The following PRDX3 variants were observed in gnomAD, a reference collection of about 807,000 sequenced individuals.
PRDX3 encodes the protein peroxiredoxin 3.
In PRDX3, 20 loss-of-function variants were observed where a neutral mutation model predicts 30.4. The ratio of observed to expected loss-of-function variants is 0.66; its 90% CI spans 0.46 to 0.96. The LOEUF is 0.96. PRDX3 is among the 40% of genes least tolerant of loss of function. The pLI is 0.00. For synonymous variants in PRDX3, 124 were observed against 117.8 expected (o/e 1.05, Z -0.34); for missense variants, 322 against 318.3 (o/e 1.01, Z -0.09).
Position 119,174,519 on chromosome 10 carries a change from C to T in PRDX3, c.243G>A (p.Glu81=), listed in dbSNP as rs1419373754. ...YFKGTAVVNG[E]FKDLSLDDFK... ...AGTCATCAAGGCTTAGGTCTTTGAA[C>T]TCTCCATTGACAACGGCTGTACCCT... The change falls in exon 3 of 7, where the codon GAG becomes GAA. Residue 81 remains glutamate, a synonymous_variant. Coordinates refer to ENST00000298510, the MANE Select transcript of PRDX3 (RefSeq NM_006793.5). 2 of 1,613,032 alleles carry T rather than the reference C, an allele frequency of 1.2e-6. No homozygotes were observed. Among genetic ancestry groups the T allele is most frequent in the African/African-American group, 1.3e-5 (1 of 74,846 alleles).
rs1326577002 is a variant in PRDX3 at position 119,177,031 on chromosome 10, T to C, written c.159A>G (p.Leu53=). 6.2e-7 allele frequency: 1 copy of C among 1,614,002 alleles called. No individual in the cohort carries two copies. Among genetic ancestry groups the C allele is most frequent in the Non-Finnish European group, 8.5e-7 (1 of 1,179,968 alleles). Residue 53 remains leucine (L), a synonymous_variant, in exon 2 of 7, where the codon TTA becomes TTG. Transcript: ENST00000298510. ...TGACATAACACTTACTGGTGCTGAA[T>C]AATTTTGCTTGACTGGAACCAGAAC... is the stretch of plus-strand genomic sequence containing the variant. ...LLCSGSSQAK[L]FSTSSSCHAP...
intron 1 of PRDX3, 44 bp downstream of exon 1, chr10:119,178,711 G>A (rs2133669610): frequency 6.5e-7 from 1 of 1,549,662 alleles, no homozygotes; most frequent in South Asian, 1.2e-5. Context: ...CGTTCCCGGA[G>A]CCACCAGTGT....
intron 1 of PRDX3, among the ~76,000 whole-genome samples, chr10:119,177,596 T>G (rs1848068577): frequency 6.7e-6 from 1 of 148,868 alleles, no homozygotes; most frequent in Non-Finnish European, 1.5e-5. Flanking sequence ...GAGGCAGAGG[T>G]TGCAGAGCCG....
intron 6 of PRDX3, 95 bp from the exon 7 acceptor site, chr10:119,168,628 C>A: frequency 6.5e-7 from 1 of 1,540,084 alleles, no homozygotes; most frequent in East Asian, 2.3e-5. Flanking sequence ...ACCTAAAGTT[C>A]TTTAAACTTT....
chr10:119,169,655 A>G (rs1847858536), intron 5 of PRDX3: 1 of 186,336 alleles, frequency 5.4e-6, no homozygotes, highest in South Asian at 1.6e-4. Flanking sequence ...AAAGACTATT[A>G]GTGACTTGGC....
chr10:119,173,659 A>G, intron 4 of PRDX3, 78 bp downstream of exon 4: 1 of 1,476,760 alleles, frequency 6.8e-7, no homozygotes. Flanking sequence ...TGATCTTGAT[A>G]GTCCAGCAGC....
At chr10:119,169,453 G>A (rs980251174) in intron 5 of PRDX3, 111 bp from the exon 6 acceptor site, 24 of 909,934 alleles carry the variant, frequency 2.6e-5, no homozygotes, top group African/African-American at 6.7e-5. Flanking sequence ...TTTATTAAGC[G>A]TAATCATATG....
rs1193439293 is a variant in PRDX3 at position 119,174,612 on chromosome 10, CAT to C, written c.170-22_170-21del. ...AGGAACCTGAAAAAAAACCCACACT[CAT>C]ATGGAGTTCATCATTTGCTATGTCA... On this transcript the variant is annotated intron_variant, in intron 2 of 6. Coordinates refer to ENST00000298510, the MANE Select transcript of PRDX3 (RefSeq NM_006793.5). The C allele has an allele frequency of 1.9e-6, 3 of 1,557,860 alleles. No individual in the cohort carries two copies. In the Admixed American group the frequency reaches 6.6e-5, roughly 34 times the overall value.
intron 5 of PRDX3, among the ~76,000 whole-genome samples, chr10:119,171,989 G>A (rs1057467295): frequency 1.3e-5 from 2 of 152,264 alleles, no homozygotes; most frequent in East Asian, 1.9e-4. Flanking sequence ...GCCTCAAGAC[G>A]CAGCCAGCCT....
Position 119,169,176 on chromosome 10 carries a change from C to T in PRDX3, c.717+1G>A. On this transcript the variant is annotated splice_donor_variant, in intron 6 of 6. Transcript: ENST00000298510. LOFTEE classifies it high-confidence loss of function. ...CACTGCTTTTGGGGAAAAAAACCTA[C>T]CGTAGGAGAATCCGGTGTCCAGTTC... 6 of 1,612,008 alleles carry T rather than the reference C, an allele frequency of 3.7e-6. No individual in the cohort carries two copies. The highest frequency in any genetic ancestry group is 5.1e-6 in the Non-Finnish European group (6 of 1,179,850).
rs949795424 is a variant in PRDX3, at chr10:119,167,854, T to C, written c.*626A>G. ...GATTACACTAATCAATATCTAGAAA[T>C]ATACATAGACAAAGTTAGCTAATGA... On this transcript the variant is annotated 3_prime_UTR_variant, in exon 7 of 7. Transcript: ENST00000298510. 6.6e-6 allele frequency: 1 copy of C among 152,254 alleles called. No homozygotes were observed. The highest frequency in any genetic ancestry group is 2.4e-5 in the African/African-American group (1 of 41,468). 9.4% of individuals were successfully genotyped at this position (152,254 alleles called of 1,614,324 possible).
intron 1 of PRDX3, among the ~76,000 whole-genome samples, chr10:119,177,404 A>G (rs528879771): frequency 6.6e-6 from 1 of 152,156 alleles, no homozygotes; most frequent in Non-Finnish European, 1.5e-5. Context: ...TCACACCTGT[A>G]ATCCCAGCAC....
chr10:119,176,394 GCTTTA>G (rs1848028910), intron 2 of PRDX3, among the ~76,000 whole-genome samples: 1 of 152,108 alleles, frequency 6.6e-6, no homozygotes, highest in Non-Finnish European at 1.5e-5. Context: ...ACAAACAAAG[GCTTTA>G]CTAAAGTATA....
chr10:119,169,490 G>T, intron 5 of PRDX3, 148 bp from the exon 6 acceptor site: 1 of 670,670 alleles, frequency 1.5e-6, no homozygotes, highest in Non-Finnish European at 2.4e-6. Context: ...TCACTGTTGT[G>T]CAAAAAACTT....
intron 2 of PRDX3, among the ~76,000 whole-genome samples, chr10:119,175,127 A>C (rs1424157205): frequency 1.3e-5 from 2 of 152,250 alleles, no homozygotes; most frequent in South Asian, 2.1e-4. Flanking sequence ...AGAGGAAGAC[A>C]AAGTAGGGAT....
At chr10:119,175,521 G>A (rs33987628) in intron 2 of PRDX3, among the ~76,000 whole-genome samples, 2,756 of 151,206 alleles carry the variant, frequency 0.018, 37 homozygotes, top group Non-Finnish European at 0.03. Context: ...TCAGCCTCCC[G>A]AGTAGCTGGG....
At chr10:119,172,969 C>T (rs538185056) in intron 4 of PRDX3, among the ~76,000 whole-genome samples, 15 of 152,060 alleles carry the variant, frequency 9.9e-5, no homozygotes, top group South Asian at 2.1e-4. Flanking sequence ...GATGGAGTCT[C>T]GCTCTGTCGC....
intron 2 of PRDX3, among the ~76,000 whole-genome samples, chr10:119,174,987 T>A (rs1564838875): frequency 1.3e-5 from 2 of 152,220 alleles, no homozygotes; most frequent in Non-Finnish European, 1.5e-5. Context: ...CCATCCATTT[T>A]TCCCTCCCAA....
At chr10:119,178,543 G>T (rs573361177) in intron 1 of PRDX3, among the ~76,000 whole-genome samples, 1 of 152,328 alleles carries the variant, frequency 6.6e-6, no homozygotes, top group African/African-American at 2.4e-5. Context: ...GGAGGGACTC[G>T]GGGAAGAGAC....
Sources: gnomAD v4.1 joint callset for allele counts (sites outside exome capture counted in the v4.1 genomes callset) on GRCh38, gnomAD v4.1.1 for gene constraint, MANE v1.5 for transcripts, NCBI Gene and HGNC (gene_info 2026-07-23, HGNC 2026-07-21) for gene names.